CEP63: variants seen among roughly 807,000 people sequenced by gnomAD.
CEP63 encodes the protein centrosomal protein 63, also known as centrosomal protein of 63 kDa.
CEP63 carries 84 observed loss-of-function variants against 89.1 expected under a neutral mutation model. The observed-to-expected ratio is 0.94, with a 90% CI of 0.79 to 1.13. CEP63 has a LOEUF of 1.13. Among genes scored for constraint, CEP63 ranks in the 50% most tolerant of loss-of-function variants. The pLI is 0.00. For missense variants in CEP63, 838 were observed against 813.3 expected (o/e 1.03, Z -0.37); for synonymous variants, 267 against 272.5 (o/e 0.98, Z 0.20).
downstream of CEP63, among the ~76,000 whole-genome samples, chr3:134,590,399 A>G (rs1166024777): frequency 6.6e-6 from 1 of 152,242 alleles, no homozygotes; most frequent in Non-Finnish European, 1.5e-5. Context: ...CTCATTAGAA[A>G]TAAGCAATTA....
chr3:134,654,170 G>T, the CEP63 span, among the ~76,000 whole-genome samples: 2 of 152,184 alleles, frequency 1.3e-5, no homozygotes, highest in Admixed American at 1.3e-4. Flanking sequence ...GGTGAGATTT[G>T]TCAGTTGTCT....
At chr3:134,770,642 T>A in the CEP63 span, among the ~76,000 whole-genome samples, 1 of 152,242 alleles carries the variant, frequency 6.6e-6, no homozygotes, top group Non-Finnish European at 1.5e-5. Context: ...AAAATGCTTT[T>A]ACTTTTTTTT....
the CEP63 span, chr3:134,601,243 T>C: frequency 8.1e-6 from 1 of 122,808 alleles, no homozygotes; most frequent in African/African-American, 2.9e-5. Context: ...ACAAAGGGGG[T>C]GCCTAGTTAA....
At chr3:134,707,739 C>CTTTTTTTTTTT in the CEP63 span, among the ~76,000 whole-genome samples, 3 of 120,448 alleles carry the variant, frequency 2.5e-5, no homozygotes, top group East Asian at 2.5e-4. Context: ...TGATTCTTTT[C>CTTTTTTTTTTT]TTTTTTTTTT....
At chr3:134,737,887 A>G in the CEP63 span, among the ~76,000 whole-genome samples, 1 of 152,112 alleles carries the variant, frequency 6.6e-6, no homozygotes, top group Non-Finnish European at 1.5e-5. Context: ...GTGGCCTCTC[A>G]CTATGGTTTT....
At chr3:134,673,172 A>G in the CEP63 span, among the ~76,000 whole-genome samples, 1 of 152,196 alleles carries the variant, frequency 6.6e-6, no homozygotes, top group African/African-American at 2.4e-5. Context: ...TGTAATCATT[A>G]AGGAGATACC....
At chr3:134,647,483 C>T in the CEP63 span, 51 of 1,610,762 alleles carry the variant, frequency 3.2e-5, no homozygotes, top group East Asian at 1.1e-3. Context: ...ACTCCATTTC[C>T]AACACCTTGG....
chr3:134,559,459 G>C, intron 14 of CEP63, 30 bp downstream of exon 14: 1 of 1,593,860 alleles, frequency 6.3e-7, no homozygotes, highest in Non-Finnish European at 8.6e-7. Context: ...TTAGTAATTT[G>C]TTAGTTTTTT....
At chr3:134,652,273 A>G in the CEP63 span, among the ~76,000 whole-genome samples, 1 of 152,032 alleles carries the variant, frequency 6.6e-6, no homozygotes, top group Non-Finnish European at 1.5e-5. Context: ...TGTCATTCTT[A>G]CTTCATTTTA....
At chr3:134,684,614 C>T in the CEP63 span, among the ~76,000 whole-genome samples, 1 of 152,232 alleles carries the variant, frequency 6.6e-6, no homozygotes, top group African/African-American at 2.4e-5. Flanking sequence ...GTAGGGCCGA[C>T]TGGGCCGGGC....
At chr3:134,733,538 A>G in the CEP63 span, among the ~76,000 whole-genome samples, 1 of 152,244 alleles carries the variant, frequency 6.6e-6, no homozygotes, top group African/African-American at 2.4e-5. Flanking sequence ...AGATGAGGTT[A>G]TACTGGGGTA....
At chr3:134,603,865 A>G in the CEP63 span, 2 of 1,614,046 alleles carry the variant, frequency 1.2e-6, no homozygotes, top group Non-Finnish European at 1.7e-6. Context: ...CTCAGGGAAC[A>G]TGGGCCAGTT....
At chr3:134,607,941 TC>T in the CEP63 span, 3 of 996,278 alleles carry the variant, frequency 3.0e-6, no homozygotes, top group South Asian at 1.3e-4. Flanking sequence ...GCTTACTGTG[TC>T]CCCGCCTCTC....
In CEP63 at chr3:134,559,374, A is replaced by AT. The variant is rs746823973; in HGVS notation, c.1903dup (p.Ser635PhefsTer2). 1 of 1,614,006 alleles carries AT rather than the reference A, an allele frequency of 6.2e-7. No individual in the cohort carries two copies. Among genetic ancestry groups the AT allele is most frequent in the Non-Finnish European group, 8.5e-7 (1 of 1,179,912 alleles). On this transcript the variant is annotated frameshift_variant, in exon 14 of 15. Coordinates refer to ENST00000675561, the MANE Select transcript of CEP63 (RefSeq NM_001353108.3). LOFTEE classifies it high-confidence loss of function. ...TCAGCGCTAGATACAAATGAAGCCAATTTTTCTGACACTATGTCTGAGAGT... is the reference window on the plus strand; with the variant it reads ...TCAGCGCTAGATACAAATGAAGCCAATTTTTTCTGACACTATGTCTGAGAGT...
chr3:134,698,200 C>T, the CEP63 span, among the ~76,000 whole-genome samples: 1 of 152,188 alleles, frequency 6.6e-6, no homozygotes, highest in Non-Finnish European at 1.5e-5. Context: ...GTTGTGTATC[C>T]GTGCAGAGAT....
At chr3:134,731,848 G>A in the CEP63 span, among the ~76,000 whole-genome samples, 488 of 152,220 alleles carry the variant, frequency 3.2e-3, 3 homozygotes, top group Non-Finnish European at 4.9e-3. Flanking sequence ...TAGACAAAAC[G>A]CTACAAAACC....
chr3:134,729,441 T>C, the CEP63 span, among the ~76,000 whole-genome samples: 1 of 152,252 alleles, frequency 6.6e-6, no homozygotes, highest in Middle Eastern at 3.2e-3. Context: ...TCATTTTTAA[T>C]GCCTGCATAG....
the CEP63 span, among the ~76,000 whole-genome samples, chr3:134,625,932 T>C: frequency 6.6e-6 from 1 of 152,266 alleles, no homozygotes; most frequent in African/African-American, 2.4e-5. Context: ...CCAGCAATCA[T>C]GCAAGCTTCC....
At chr3:134,572,485 T>C (rs1317645318) in intron 11 of CEP63, among the ~76,000 whole-genome samples, 1 of 152,204 alleles carries the variant, frequency 6.6e-6, no homozygotes, top group African/African-American at 2.4e-5. Flanking sequence ...TAGCTCTCAC[T>C]TGTAAGAGAG....
Sources: gnomAD v4.1 joint callset for allele counts (sites outside exome capture counted in the v4.1 genomes callset) on GRCh38, gnomAD v4.1.1 for gene constraint, MANE v1.5 for transcripts, NCBI Gene and HGNC (gene_info 2026-07-23, HGNC 2026-07-21) for gene names.